Variants in AOAH observed in about 807,000 individuals in gnomAD.
AOAH encodes acyloxyacyl hydrolase.
AOAH carries 64 observed loss-of-function variants against 92.2 expected under a neutral mutation model. The ratio of observed to expected loss-of-function variants is 0.69; its 90% CI spans 0.57 to 0.86. The LOEUF (loss-of-function observed/expected upper bound fraction) is 0.86. Ranked by LOEUF, AOAH falls within the 40% of genes least tolerant of loss-of-function variation. AOAH has a pLI of 0.00. For synonymous variants in AOAH, 263 were observed against 254.5 expected, an observed-to-expected ratio of 1.03 and a Z score of -0.32; for missense variants, 656 against 694.6, an observed-to-expected ratio of 0.94 and a Z score of 0.62.
intron 11 of AOAH, among the ~76,000 whole-genome samples, chr7:36,615,352 G>T (rs150100946): frequency 1.4e-4 from 21 of 152,284 alleles, no homozygotes; most frequent in African/African-American, 3.9e-4. Flanking sequence ...GACTGCCAAA[G>T]AAAAGTGCTT....
At chr7:36,555,110 T>C (rs1300218241) in intron 13 of AOAH, among the ~76,000 whole-genome samples, 6 of 148,980 alleles carry the variant, frequency 4.0e-5, no homozygotes, top group Middle Eastern at 3.4e-3. Context: ...AGTATGATAT[T>C]GGCTGTGGGT....
intron 12 of AOAH, among the ~76,000 whole-genome samples, chr7:36,591,887 CAT>C (rs1789771172): frequency 6.6e-6 from 1 of 152,144 alleles, no homozygotes; most frequent in African/African-American, 2.4e-5. Context: ...GATGAGGAAA[CAT>C]GTTTTTATCT....
At chr7:36,601,805 A>G (rs1169432694) in intron 11 of AOAH, among the ~76,000 whole-genome samples, 1 of 152,194 alleles carries the variant, frequency 6.6e-6, no homozygotes, top group Admixed American at 6.5e-5. Flanking sequence ...CTAGGAAGAG[A>G]GAACCAAGCA....
intron 11 of AOAH, among the ~76,000 whole-genome samples, chr7:36,612,222 A>G (rs1583941671): frequency 6.6e-6 from 1 of 152,362 alleles, no homozygotes; most frequent in South Asian, 2.1e-4. Context: ...AGCCAGTGGT[A>G]GGTAACATGC....
At chr7:36,696,890 A>G (rs1267523404) in intron 1 of AOAH, among the ~76,000 whole-genome samples, 2 of 151,712 alleles carry the variant, frequency 1.3e-5, no homozygotes, top group African/African-American at 2.4e-5. Context: ...CAATTTTTGT[A>G]TATCAATTTT....
At position 36,593,145 on chromosome 7, in the gene AOAH, T is replaced by G. The variant is rs142470532; in HGVS notation, c.938+1194A>C. Among the ~76,000 whole-genome samples, 60 of 152,324 alleles carry G rather than the reference T, an allele frequency of 3.9e-4. 1 individual carries two copies. The highest frequency in any genetic ancestry group is 4.7e-4 in the Non-Finnish European group (32 of 68,026). On this transcript the variant is annotated intron_variant, in intron 12 of 20. Transcript: ENST00000617537. The stretch of plus-strand genomic sequence containing the variant: ...GAGACCTGTCATTAGTATATCTTCC[T>G]TGCATTACCATTATTTGTTCACTTG...
intron 1 of AOAH, among the ~76,000 whole-genome samples, chr7:36,699,666 T>A (rs1017799881): frequency 4.0e-5 from 6 of 150,470 alleles, no homozygotes; most frequent in Admixed American, 6.7e-5. Flanking sequence ...TATTGAGCTA[T>A]TTGAGCTTCT....
intron 3 of AOAH, among the ~76,000 whole-genome samples, chr7:36,670,106 G>A (rs1295047207): frequency 6.6e-6 from 1 of 152,102 alleles, no homozygotes; most frequent in Non-Finnish European, 1.5e-5. Flanking sequence ...CCTGTAGGAA[G>A]GAAATGTAAT....
chr7:36,594,818 C>A (rs1789991652), intron 11 of AOAH, among the ~76,000 whole-genome samples: 1 of 152,062 alleles, frequency 6.6e-6, no homozygotes, highest in Non-Finnish European at 1.5e-5. Context: ...AATGCCTAAT[C>A]CCTCAGAAAA....
At chr7:36,541,045 C>G (rs1288179356) in intron 15 of AOAH, among the ~76,000 whole-genome samples, 4 of 152,216 alleles carry the variant, frequency 2.6e-5, no homozygotes, top group Non-Finnish European at 4.4e-5. Context: ...AGGTCTATAA[C>G]TTGGTCTTTA....
chr7:36,574,339 C>CTCTCT (rs1216987583), intron 13 of AOAH, among the ~76,000 whole-genome samples: 4 of 152,168 alleles, frequency 2.6e-5, no homozygotes, highest in African/African-American at 4.8e-5. Context: ...CACGATTAGG[C>CTCTCT]TCTCTTCCTG....
intron 1 of AOAH, among the ~76,000 whole-genome samples, chr7:36,691,284 CAG>C (rs1375906491): frequency 1.3e-5 from 2 of 152,078 alleles, no homozygotes; most frequent in Admixed American, 6.6e-5. Flanking sequence ...CAGCTAGTAA[CAG>C]GGGAAATTGA....
chr7:36,564,525 C>G (rs1044754896), intron 13 of AOAH, among the ~76,000 whole-genome samples: 1 of 152,200 alleles, frequency 6.6e-6, no homozygotes, highest in Non-Finnish European at 1.5e-5. Context: ...AAAGCCTCAT[C>G]CCAGGATGCT....
rs563814932 is a variant in AOAH at position 36,636,578 on chromosome 7, G to A, written c.450+1273C>T. ...AACAACTTAAGCAAATTAGCTCAAC[G>A]GGCTACTGTTGGCCCTTAATTATTC... On this transcript the variant is annotated intron_variant, in intron 5 of 20. Transcript: ENST00000617537. Among the ~76,000 whole-genome samples, 8 of 152,112 alleles carry A rather than the reference G, an allele frequency of 5.3e-5. No individual in the cohort carries two copies. In the East Asian group the frequency reaches 5.8e-4, roughly 11 times the overall value.
At chr7:36,525,492 A>C (rs1784354253) in intron 19 of AOAH, among the ~76,000 whole-genome samples, 1 of 152,226 alleles carries the variant, frequency 6.6e-6, no homozygotes, top group South Asian at 2.1e-4. Context: ...ACTAATTACC[A>C]AACTGAAAAC....
In AOAH at chr7:36,522,105, C is replaced by T; in HGVS notation, c.1533G>A (p.Glu511=). The T allele has an allele frequency of 1.2e-6, 2 of 1,614,196 alleles. No individual in the cohort carries two copies. The highest frequency in any genetic ancestry group is 1.7e-6 in the Non-Finnish European group (2 of 1,180,026). ...AGGGCTGTCCGCCTCTCTTCTGCCA[C>T]TCCTGTATGACTGCAGGGCACATAA... ...MDFAFHEIIQ[E]WQKRGGQPWQ... is the part of the protein sequence containing the mutation. Residue 511 remains glutamate, a synonymous_variant, in exon 20 of 21, where the codon GAG becomes GAA. Coordinates refer to ENST00000617537, the MANE Select transcript of AOAH (RefSeq NM_001637.4).
intron 12 of AOAH, among the ~76,000 whole-genome samples, chr7:36,591,245 A>G (rs1789723011): frequency 2.0e-5 from 3 of 152,236 alleles, no homozygotes; most frequent in Non-Finnish European, 2.9e-5. Context: ...ACATAGAAAG[A>G]AAAGTTCCTG....
At chr7:36,519,853 C>T (rs1407638296) in intron 20 of AOAH, among the ~76,000 whole-genome samples, 3 of 152,184 alleles carry the variant, frequency 2.0e-5, no homozygotes, top group African/African-American at 4.8e-5. Context: ...CATCATTTTC[C>T]TACTCTATAC....
chr7:36,687,470 T>C (rs1797107392), intron 1 of AOAH, among the ~76,000 whole-genome samples: 1 of 152,126 alleles, frequency 6.6e-6, no homozygotes, highest in Non-Finnish European at 1.5e-5. Context: ...CTAGAGCTCC[T>C]AGGCTGACAT....
Sources: gnomAD v4.1 joint callset for allele counts (sites outside exome capture counted in the v4.1 genomes callset) on GRCh38, gnomAD v4.1.1 for gene constraint, MANE v1.5 for transcripts, NCBI Gene and HGNC (gene_info 2026-07-23, HGNC 2026-07-21) for gene names.